The following GULP1 variants were observed in gnomAD, a reference collection of about 807,000 sequenced individuals.
The protein encoded by GULP1 is PTB domain-containing engulfment adapter protein 1.
In GULP1, 19 loss-of-function variants were observed where a neutral mutation model predicts 40.9. That is an observed-to-expected ratio of 0.46 (90% confidence interval 0.32 to 0.68). The LOEUF is 0.68. Ranked by LOEUF, GULP1 falls within the 30% of genes least tolerant of loss-of-function variation. The probability of loss-of-function intolerance (pLI) is 0.03; values close to 1 mark genes in which losing one functional copy is unlikely to be tolerated. For missense variants in GULP1, 312 were observed against 362.2 expected (o/e 0.86, Z 1.12); for synonymous variants, 119 against 117.6 (o/e 1.01, Z -0.08).
intron 6 of GULP1, among the ~76,000 whole-genome samples, chr2:188,531,741 A>T (rs901289106): frequency 6.6e-6 from 1 of 152,242 alleles, no homozygotes; most frequent in Admixed American, 6.5e-5. Context: ...TCATTAGGCA[A>T]TTAGCAGTTA....
chr2:188,366,582 T>TA (rs1322773311), intron 1 of GULP1, among the ~76,000 whole-genome samples: 1 of 145,358 alleles, frequency 6.9e-6, no homozygotes, highest in Non-Finnish European at 1.5e-5. Context: ...GACTTCCAGT[T>TA]ACTTTCTTTT....
At chr2:188,481,742 T>C (rs1179254253) in intron 3 of GULP1, among the ~76,000 whole-genome samples, 1 of 151,912 alleles carries the variant, frequency 6.6e-6, no homozygotes, top group Non-Finnish European at 1.5e-5. Flanking sequence ...ATGTGTTGTA[T>C]GTTTTGGAAA....
chr2:188,331,641 G>C (rs958431548), intron 1 of GULP1, among the ~76,000 whole-genome samples: 3 of 152,212 alleles, frequency 2.0e-5, no homozygotes, highest in Middle Eastern at 3.5e-3. Context: ...GGAAAATTCT[G>C]TTATAGTTTG....
At chr2:188,499,618 T>C (rs1445473944) in intron 4 of GULP1, among the ~76,000 whole-genome samples, 1 of 151,832 alleles carries the variant, frequency 6.6e-6, no homozygotes, top group Non-Finnish European at 1.5e-5. Flanking sequence ...GTGCATAAAT[T>C]ACTTGTATAA....
Position 188,391,485 on chromosome 2 carries a change from T to A in GULP1, c.-45+7596T>A, listed in dbSNP as rs566472419. ...GTAACCTGAGACTTTACTGAATTTG[T>A]TTATCAAATCTAGGAGTCTTTTGGA... is the stretch of plus-strand genomic sequence containing the variant. On this transcript the variant is annotated intron_variant, in intron 2 of 11. Transcript: ENST00000409830. Among the ~76,000 whole-genome samples, 7 of 152,190 alleles carry A rather than the reference T, an allele frequency of 4.6e-5. No homozygotes were observed. In the East Asian group the frequency reaches 1.3e-3, roughly 29 times the overall value.
intron 1 of GULP1, among the ~76,000 whole-genome samples, chr2:188,349,768 TG>T (rs1182464481): frequency 1.1e-4 from 16 of 152,172 alleles, no homozygotes; most frequent in Admixed American, 9.2e-4. Context: ...ATTTCATATG[TG>T]GGAAACTATT....
chr2:188,446,457 T>C (rs1323563291), intron 2 of GULP1, among the ~76,000 whole-genome samples: 2 of 152,180 alleles, frequency 1.3e-5, no homozygotes, highest in African/African-American at 4.8e-5. Flanking sequence ...ACAAATGGAA[T>C]CCAAGTTTGG....
chr2:188,441,754 G>A (rs145250261), intron 2 of GULP1, among the ~76,000 whole-genome samples: 1 of 152,256 alleles, frequency 6.6e-6, no homozygotes, highest in African/African-American at 2.4e-5. Flanking sequence ...CCTCCCACCT[G>A]CTGTGGTTTG....
intron 1 of GULP1, among the ~76,000 whole-genome samples, chr2:188,353,043 T>C (rs1046221099): frequency 6.6e-6 from 1 of 152,174 alleles, no homozygotes; most frequent in Admixed American, 6.5e-5. Flanking sequence ...CAAAAACTTA[T>C]GATAAACTAT....
At chr2:188,299,967 T>C (rs1559084956) in intron 1 of GULP1, among the ~76,000 whole-genome samples, 1 of 152,214 alleles carries the variant, frequency 6.6e-6, no homozygotes, top group East Asian at 1.9e-4. Flanking sequence ...TCCTCCTTTA[T>C]GTTTCCATGT....
chr2:188,437,207 A>G (rs1261289277), intron 2 of GULP1, among the ~76,000 whole-genome samples: 12 of 152,120 alleles, frequency 7.9e-5, no homozygotes, highest in Admixed American at 7.9e-4. Context: ...TTTCCAGGTT[A>G]CATTTTGTGT....
At chr2:188,527,827 C>G (rs1686574301) in intron 5 of GULP1, among the ~76,000 whole-genome samples, 1 of 152,166 alleles carries the variant, frequency 6.6e-6, no homozygotes, top group South Asian at 2.1e-4. Context: ...CTTTTAATCA[C>G]TCTGTGCTCC....
chr2:188,460,625 A>G (rs935784802), intron 2 of GULP1, among the ~76,000 whole-genome samples: 9 of 152,186 alleles, frequency 5.9e-5, no homozygotes, highest in Non-Finnish European at 1.2e-4. Flanking sequence ...TTCCTTTCCA[A>G]TTTGGCTGCC....
intron 1 of GULP1, among the ~76,000 whole-genome samples, chr2:188,372,269 A>T (rs898001261): frequency 5.9e-5 from 9 of 152,072 alleles, no homozygotes; most frequent in African/African-American, 2.2e-4. Flanking sequence ...TATGGCTAGT[A>T]CTAGTACTTT....
chr2:188,332,379 G>A (rs1177538898), intron 1 of GULP1, among the ~76,000 whole-genome samples: 1 of 151,938 alleles, frequency 6.6e-6, no homozygotes, highest in African/African-American at 2.4e-5. Flanking sequence ...TAGTAGAGAC[G>A]AGGTTTCGCC....
intron 4 of GULP1, among the ~76,000 whole-genome samples, chr2:188,484,755 C>A (rs932233118): frequency 5.3e-5 from 8 of 152,162 alleles, no homozygotes; most frequent in African/African-American, 1.7e-4. Context: ...AGAAGAAGTT[C>A]TTCCAGAGCT....
intron 9 of GULP1, among the ~76,000 whole-genome samples, chr2:188,581,783 T>C (rs1256867382): frequency 2.0e-5 from 3 of 152,212 alleles, no homozygotes; most frequent in Admixed American, 1.3e-4. Context: ...TTCTACCTCA[T>C]ACAAGTCACA....
At chr2:188,590,617 A>G (rs1307577971) in intron 11 of GULP1, 5 of 152,218 alleles carry the variant, frequency 3.3e-5, no homozygotes, top group Admixed American at 6.5e-5. Flanking sequence ...ATGTTAGACC[A>G]TATTTCAGTA....
intron 4 of GULP1, among the ~76,000 whole-genome samples, chr2:188,509,100 C>T (rs983060993): frequency 2.6e-5 from 4 of 151,998 alleles, no homozygotes; most frequent in Non-Finnish European, 5.9e-5. Context: ...TTCTGTTCAT[C>T]ACTTTCTTTT....
Sources: allele counts gnomAD v4.1 joint callset (sites outside exome capture counted in the v4.1 genomes callset), GRCh38; gene constraint gnomAD v4.1.1; transcripts MANE v1.5; gene names NCBI Gene and HGNC (gene_info 2026-07-23, HGNC 2026-07-21).